Variants in RAB3C observed in about 807,000 individuals in gnomAD.
RAB3C encodes RAB3C, member RAS oncogene family.
A neutral mutation model predicts 26.4 loss-of-function variants in RAB3C; 17 were observed. The ratio of observed to expected loss-of-function variants is 0.64; its 90% CI spans 0.44 to 0.97. The LOEUF (loss-of-function observed/expected upper bound fraction) is 0.97. RAB3C is among the 50% of genes least tolerant of loss of function. The pLI is 0.00. For missense variants in RAB3C, 242 were observed against 281.9 expected (o/e 0.86, Z 1.01); for synonymous variants, 91 against 95.9 (o/e 0.95, Z 0.30).
chr5:58,830,295 T>C (rs189924635), intron 4 of RAB3C, among the ~76,000 whole-genome samples: 58 of 152,262 alleles, frequency 3.8e-4, no homozygotes, highest in Middle Eastern at 3.4e-3. Flanking sequence ...TCTCTGGAAG[T>C]GGAAGGTAGT....
intron 4 of RAB3C, among the ~76,000 whole-genome samples, chr5:58,830,349 C>T (rs1313084430): frequency 1.3e-5 from 2 of 152,082 alleles, no homozygotes; most frequent in Non-Finnish European, 2.9e-5. Flanking sequence ...CTAGATAAAT[C>T]AATGCAGGCA....
At chr5:58,777,196 C>G (rs1742162705) in intron 3 of RAB3C, among the ~76,000 whole-genome samples, 1 of 152,108 alleles carries the variant, frequency 6.6e-6, no homozygotes, top group Non-Finnish European at 1.5e-5. Flanking sequence ...CCTCTCTTCA[C>G]TGGATTCCTA....
intron 4 of RAB3C, among the ~76,000 whole-genome samples, chr5:58,844,142 T>C (rs1437179693): frequency 6.6e-6 from 1 of 152,140 alleles, no homozygotes; most frequent in Admixed American, 6.6e-5. Flanking sequence ...GTGTTTGCTT[T>C]TGGATGCAAA....
chr5:58,758,093 C>T (rs1262214589), intron 3 of RAB3C, among the ~76,000 whole-genome samples: 1 of 152,142 alleles, frequency 6.6e-6, no homozygotes, highest in Non-Finnish European at 1.5e-5. Context: ...AGGTGCCCAC[C>T]ACCACGCCCG....
rs1193534574 is a variant in RAB3C at position 58,858,629 on chromosome 5, T to G, written c.*7278T>G. ...GGAAAGAATTAGGTAGTGAGGAGAT[T>G]GTGCCAGGAAAATAAGTGGGAAAGG... On this transcript the variant is annotated 3_prime_UTR_variant, in exon 5 of 5. Coordinates refer to ENST00000282878, the MANE Select transcript of RAB3C (RefSeq NM_138453.4). 6.6e-6 allele frequency: 1 copy of G among 152,118 alleles called. No homozygotes were observed. Among genetic ancestry groups the G allele is most frequent in the African/African-American group, 2.4e-5 (1 of 41,430 alleles). 9.4% of individuals were successfully genotyped at this position (152,118 alleles called of 1,614,324 possible). A position where few individuals can be genotyped will look rare whatever the true frequency, so the allele number is the denominator to read the frequency against.
intron 2 of RAB3C, among the ~76,000 whole-genome samples, chr5:58,702,866 C>T (rs1748875644): frequency 1.3e-5 from 2 of 152,180 alleles, no homozygotes; most frequent in African/African-American, 2.4e-5. Flanking sequence ...TCTAAATCTA[C>T]ACACTTTACT....
At chr5:58,804,091 A>G (rs1484579525) in intron 3 of RAB3C, among the ~76,000 whole-genome samples, 1 of 151,792 alleles carries the variant, frequency 6.6e-6, no homozygotes, top group Non-Finnish European at 1.5e-5. Context: ...CTTAAAAACT[A>G]TCAGGATCTT....
At chr5:58,613,391 C>T (rs1263921170) in intron 1 of RAB3C, among the ~76,000 whole-genome samples, 2 of 152,042 alleles carry the variant, frequency 1.3e-5, no homozygotes, top group Non-Finnish European at 2.9e-5. Flanking sequence ...TGTTATTTGT[C>T]TAAAAAGTGA....
intron 4 of RAB3C, among the ~76,000 whole-genome samples, chr5:58,842,245 C>G (rs910940615): frequency 2.0e-4 from 31 of 152,220 alleles, no homozygotes; most frequent in African/African-American, 7.2e-4. Context: ...GGAAGACACT[C>G]TAGTCCCTTG....
chr5:58,814,619 A>G (rs1743178763), intron 3 of RAB3C: 2 of 152,194 alleles, frequency 1.3e-5, no homozygotes, highest in Non-Finnish European at 2.9e-5. Context: ...TTGCCCTGTG[A>G]AAGCATAACC....
chr5:58,849,885 T>A (rs546467600), intron 4 of RAB3C, among the ~76,000 whole-genome samples: 2 of 152,380 alleles, frequency 1.3e-5, no homozygotes, highest in East Asian at 3.9e-4. Context: ...AATATTAATC[T>A]GTTCTTTTTC....
At chr5:58,797,356 ATG>A (rs1742686922) in intron 3 of RAB3C, among the ~76,000 whole-genome samples, 353 of 33,706 alleles carry the variant, frequency 0.01, 3 homozygotes, top group Middle Eastern at 0.025. Flanking sequence ...AAAAAAAAAT[ATG>A]TATATATATA....
At chr5:58,757,057 C>T (rs927355873) in intron 3 of RAB3C, among the ~76,000 whole-genome samples, 3 of 152,166 alleles carry the variant, frequency 2.0e-5, no homozygotes, top group African/African-American at 7.2e-5. Flanking sequence ...TACACTCCCA[C>T]CAACAGTGTA....
intron 3 of RAB3C, among the ~76,000 whole-genome samples, chr5:58,803,519 G>A (rs13357616): frequency 0.092 from 13,956 of 152,154 alleles, 784 homozygotes; most frequent in African/African-American, 0.15. Context: ...CTCTATGTCT[G>A]TAAAAATAAA....
At chr5:58,653,709 G>T (rs775538999) in intron 2 of RAB3C, among the ~76,000 whole-genome samples, 4 of 152,142 alleles carry the variant, frequency 2.6e-5, no homozygotes, top group Admixed American at 6.5e-5. Flanking sequence ...TCACAATATT[G>T]TGATGAGGTG....
At chr5:58,620,178 G>A (rs1746906532) in intron 2 of RAB3C, among the ~76,000 whole-genome samples, 1 of 152,028 alleles carries the variant, frequency 6.6e-6, no homozygotes, top group African/African-American at 2.4e-5. Flanking sequence ...CTCCCATCAG[G>A]GTTCAGCCAC....
intron 1 of RAB3C, among the ~76,000 whole-genome samples, chr5:58,608,806 A>G (rs1746628546): frequency 6.6e-6 from 1 of 152,222 alleles, no homozygotes; most frequent in Non-Finnish European, 1.5e-5. Flanking sequence ...CATCAAAGGT[A>G]GACTGGATTA....
chr5:58,678,688 A>AT (rs1316025423), intron 2 of RAB3C, among the ~76,000 whole-genome samples: 1 of 152,198 alleles, frequency 6.6e-6, no homozygotes, highest in Non-Finnish European at 1.5e-5. Context: ...TTTAAACTGA[A>AT]TAAAAATTTA....
Position 58,852,523 on chromosome 5 carries a change from T to TGA in RAB3C, c.*1172_*1173insGA, listed in dbSNP as rs1744135494. 4.6e-5 allele frequency: 7 copies of TGA among 152,328 alleles called. No individual in the cohort carries two copies. The South Asian group carries it at 1.4e-3, about 32-fold the overall frequency. 9.4% of individuals were successfully genotyped at this position (152,328 alleles called of 1,614,324 possible). A position where few individuals can be genotyped will look rare whatever the true frequency, so the allele number is the denominator to read the frequency against. On this transcript the variant is annotated 3_prime_UTR_variant, in exon 5 of 5. Transcript: ENST00000282878. ...GTTCATAAATTCTAAAGCATATTCC[T>TGA]ATTACGTGAATGCTTAAGTTACACA...
Sources: gnomAD v4.1 joint callset for allele counts (sites outside exome capture counted in the v4.1 genomes callset) on GRCh38, gnomAD v4.1.1 for gene constraint, MANE v1.5 for transcripts, NCBI Gene and HGNC (gene_info 2026-07-23, HGNC 2026-07-21) for gene names.